Variants in IGSF11 observed in about 807,000 individuals in gnomAD.
IGSF11 encodes the protein CXADR like 1.
In IGSF11, 22 loss-of-function variants were observed where a neutral mutation model predicts 41.0. The ratio of observed to expected loss-of-function variants is 0.54; its 90% CI spans 0.38 to 0.77. The LOEUF (loss-of-function observed/expected upper bound fraction) is 0.77, where lower values mean the gene tolerates loss of function less well. Among genes scored for constraint, IGSF11 ranks in the 30% least tolerant of loss-of-function variants. IGSF11 has a pLI of 0.00. For missense variants in IGSF11, 444 were observed against 530.8 expected (o/e 0.84, Z 1.61); for synonymous variants, 219 against 201.3 (o/e 1.09, Z -0.74).
upstream of IGSF11, among the ~76,000 whole-genome samples, chr3:119,105,567 A>C (rs2077008986): frequency 6.6e-6 from 1 of 152,206 alleles, no homozygotes; most frequent in Admixed American, 6.5e-5. Context: ...GGTCACCTGC[A>C]TCAGTCACAA....
intron 4 of IGSF11, among the ~76,000 whole-genome samples, chr3:118,910,421 C>T (rs1940127895): frequency 6.6e-6 from 1 of 152,148 alleles, no homozygotes; most frequent in African/African-American, 2.4e-5. Context: ...TTTCCTCAAT[C>T]TCTCTTGAAT....
intron 1 of IGSF11, among the ~76,000 whole-genome samples, chr3:119,080,870 TTAAC>T (rs757096247): frequency 6.6e-6 from 1 of 152,114 alleles, no homozygotes; most frequent in Non-Finnish European, 1.5e-5. Context: ...TTATCCCAGT[TTAAC>T]TAATTCCCCA....
At chr3:118,930,404 T>TG in intron 1 of IGSF11, 129 bp from the exon 2 acceptor site, 1 of 847,498 alleles carries the variant, frequency 1.2e-6, no homozygotes, top group Non-Finnish European at 1.7e-6. Flanking sequence ...CATGATAGTC[T>TG]TAACAACTGC....
chr3:119,069,917 C>T (rs560644573), intron 1 of IGSF11, among the ~76,000 whole-genome samples: 4 of 152,190 alleles, frequency 2.6e-5, no homozygotes, highest in Admixed American at 1.3e-4. Flanking sequence ...CAATGATTCA[C>T]TCGAGTATGA....
intron 1 of IGSF11, among the ~76,000 whole-genome samples, chr3:119,005,131 A>C (rs1205673834): frequency 6.8e-6 from 1 of 147,818 alleles, no homozygotes; most frequent in East Asian, 2.0e-4. Context: ...GACTTGCTTT[A>C]TGAATCAGGG....
intron 1 of IGSF11, among the ~76,000 whole-genome samples, chr3:119,048,676 C>A (rs966368393): frequency 6.6e-6 from 1 of 151,944 alleles, no homozygotes; most frequent in African/African-American, 2.4e-5. Context: ...ATACCAAAGC[C>A]AGGCAGAGAC....
chr3:119,087,391 CACACACACACAT>C (rs1300719634), intron 1 of IGSF11, among the ~76,000 whole-genome samples: 2 of 149,882 alleles, frequency 1.3e-5, no homozygotes, highest in Non-Finnish European at 3.0e-5. Flanking sequence ...CACACACACA[CACACACACACAT>C]ACACACACAC....
chr3:119,119,034 A>G (rs1474861332), intron 1 of IGSF11, among the ~76,000 whole-genome samples: 1 of 152,190 alleles, frequency 6.6e-6, no homozygotes, highest in Non-Finnish European at 1.5e-5. Context: ...ACAAGTCTCT[A>G]AAAGATTCCA....
intron 4 of IGSF11, among the ~76,000 whole-genome samples, chr3:118,917,486 C>T (rs1941273220): frequency 7.0e-6 from 1 of 143,692 alleles, no homozygotes; most frequent in Admixed American, 7.0e-5. Flanking sequence ...CACCTCTACA[C>T]AAATAAACTA....
intron 1 of IGSF11, among the ~76,000 whole-genome samples, chr3:119,075,672 C>T (rs943175352): frequency 1.3e-5 from 2 of 152,186 alleles, no homozygotes; most frequent in Admixed American, 1.3e-4. Flanking sequence ...ATTGGTTCAA[C>T]ATACACAAAT....
intron 1 of IGSF11, among the ~76,000 whole-genome samples, chr3:119,078,482 A>G (rs776544382): frequency 1.3e-5 from 2 of 152,250 alleles, no homozygotes; most frequent in Non-Finnish European, 2.9e-5. Flanking sequence ...TCCCTGTCCA[A>G]CAAATGGTGC....
intron 1 of IGSF11, chr3:118,981,987 TC>T (rs1191492257): frequency 6.6e-5 from 10 of 152,482 alleles, no homozygotes; most frequent in African/African-American, 1.7e-4. Context: ...CCTCTGTGTC[TC>T]ACCCGACCAA....
intron 1 of IGSF11, among the ~76,000 whole-genome samples, chr3:118,931,935 G>A (rs1417082920): frequency 1.3e-5 from 2 of 152,028 alleles, no homozygotes; most frequent in Non-Finnish European, 2.9e-5. Context: ...GGGTTTCACC[G>A]TGTTAGCCAG....
chr3:119,096,880 T>C (rs1254661595), intron 1 of IGSF11, among the ~76,000 whole-genome samples: 1 of 152,220 alleles, frequency 6.6e-6, no homozygotes, highest in Non-Finnish European at 1.5e-5. Context: ...GCTCTACTTC[T>C]TGTAATGCAT....
chr3:119,111,140 C>T (rs574553018), intron 1 of IGSF11, among the ~76,000 whole-genome samples: 147 of 152,200 alleles, frequency 9.7e-4, no homozygotes, highest in African/African-American at 3.2e-3. Flanking sequence ...GTTGGCCTGC[C>T]TTGCTAGATT....
At chr3:119,119,331 T>C (rs1057177735) in intron 1 of IGSF11, among the ~76,000 whole-genome samples, 1 of 152,160 alleles carries the variant, frequency 6.6e-6, no homozygotes, top group African/African-American at 2.4e-5. Flanking sequence ...ACATCTTACA[T>C]GGATGGCAGC....
chr3:118,958,508 A>G (rs1408739445), intron 1 of IGSF11, among the ~76,000 whole-genome samples: 1 of 152,192 alleles, frequency 6.6e-6, no homozygotes, highest in Admixed American at 6.5e-5. Flanking sequence ...TTAGTCTCCA[A>G]CTTTCCCTAG....
chr3:118,912,303 T>C (rs1940426697), intron 4 of IGSF11, among the ~76,000 whole-genome samples: 3 of 152,304 alleles, frequency 2.0e-5, no homozygotes, highest in South Asian at 2.1e-4. Context: ...GAGAAACAAC[T>C]GTGCTTATCT....
At chr3:118,989,542 C>T (rs113438736) in intron 1 of IGSF11, among the ~76,000 whole-genome samples, 1,792 of 152,054 alleles carry the variant, frequency 0.012, 39 homozygotes, top group African/African-American at 0.041. Flanking sequence ...TAGTAGAAGA[C>T]ACGGGGTTTC....
Sources: allele counts gnomAD v4.1 joint callset (sites outside exome capture counted in the v4.1 genomes callset), GRCh38; gene constraint gnomAD v4.1.1; transcripts MANE v1.5; gene names NCBI Gene and HGNC (gene_info 2026-07-23, HGNC 2026-07-21).